FHIT: variants seen among roughly 807,000 people sequenced by gnomAD.
FHIT encodes the protein fragile histidine triad diadenosine triphosphatase, also known as bis(5'-adenosyl)-triphosphatase.
FHIT carries 19 observed loss-of-function variants against 17.9 expected under a neutral mutation model. The observed-to-expected ratio is 1.06, with a 90% CI of 0.74 to 1.56. FHIT has a LOEUF of 1.56. Ranked by LOEUF, FHIT falls within the 40% of genes most tolerant of loss-of-function variation. The probability of loss-of-function intolerance (pLI) is 0.00; values close to 1 mark genes in which losing one functional copy is unlikely to be tolerated. For missense variants in FHIT, 248 were observed against 189.2 expected (o/e 1.31, Z -1.82); for synonymous variants, 81 against 69.7 (o/e 1.16, Z -0.81).
intron 7 of FHIT, among the ~76,000 whole-genome samples, chr3:59,963,349 G>A (rs114713861): frequency 0.013 from 1,966 of 152,136 alleles, 38 homozygotes; most frequent in African/African-American, 0.044. Flanking sequence ...AAATTGAGTC[G>A]AAAACTCATG....
At chr3:61,224,205 T>C (rs2039908918) in intron 1 of FHIT, among the ~76,000 whole-genome samples, 1 of 152,212 alleles carries the variant, frequency 6.6e-6, no homozygotes, top group African/African-American at 2.4e-5. Context: ...AGTTCACATA[T>C]CTACAACATT....
In FHIT at chr3:60,023,034, A is replaced by T. The variant is rs76718548; in HGVS notation, c.104-8882T>A. 6.8e-3 allele frequency among the ~76,000 whole-genome samples: 1,042 copies of T among 152,342 alleles called. 12 individuals carry two copies. Among genetic ancestry groups the T allele is most frequent in the African/African-American group, 0.023 (941 of 41,578 alleles). ...GAAAGAGTCTGTCCACAATGTGTAAACATGAGAATGGGAACACACCAATAT... is the reference window on the plus strand; with the variant it reads ...GAAAGAGTCTGTCCACAATGTGTAATCATGAGAATGGGAACACACCAATAT... On this transcript the variant is annotated intron_variant, in intron 5 of 9. Transcript: ENST00000492590.
At chr3:60,192,316 A>C (rs1447556098) in intron 5 of FHIT, among the ~76,000 whole-genome samples, 4 of 152,238 alleles carry the variant, frequency 2.6e-5, no homozygotes, top group African/African-American at 7.2e-5. Flanking sequence ...AAAAAGGTAA[A>C]CTGAGGGCTG....
At chr3:59,903,566 T>C (rs1704434548) in intron 8 of FHIT, among the ~76,000 whole-genome samples, 1 of 152,222 alleles carries the variant, frequency 6.6e-6, no homozygotes, top group Admixed American at 6.5e-5. Flanking sequence ...AGTCGGTTTT[T>C]CTAGAGACTT....
At chr3:60,091,534 T>C (rs1703731195) in intron 5 of FHIT, among the ~76,000 whole-genome samples, 1 of 152,090 alleles carries the variant, frequency 6.6e-6, no homozygotes, top group Non-Finnish European at 1.5e-5. Context: ...GAGACTGGCA[T>C]GTTTGGTGGG....
chr3:60,563,034 C>T (rs918840170), intron 4 of FHIT, among the ~76,000 whole-genome samples: 2 of 152,046 alleles, frequency 1.3e-5, no homozygotes, highest in African/African-American at 4.8e-5. Flanking sequence ...AATGGCTAGC[C>T]TTTGGAAGTT....
At chr3:59,933,339 C>T (rs911105338) in intron 7 of FHIT, among the ~76,000 whole-genome samples, 25 of 152,108 alleles carry the variant, frequency 1.6e-4, no homozygotes, top group African/African-American at 5.6e-4. Context: ...ATTCATCCAC[C>T]CACCATTTTT....
chr3:60,446,490 G>T (rs1328453867), intron 5 of FHIT, among the ~76,000 whole-genome samples: 2 of 152,112 alleles, frequency 1.3e-5, no homozygotes, highest in African/African-American at 4.8e-5. Context: ...TGTGGTTTAA[G>T]GCCTGTGGGG....
chr3:60,891,963 C>G (rs1388396936), intron 3 of FHIT, among the ~76,000 whole-genome samples: 1 of 152,194 alleles, frequency 6.6e-6, no homozygotes, highest in Non-Finnish European at 1.5e-5. Context: ...GAAACCAAGT[C>G]TTCATGAAAT....
At chr3:59,976,849 C>A (rs145977422) in intron 7 of FHIT, among the ~76,000 whole-genome samples, 110 of 152,202 alleles carry the variant, frequency 7.2e-4, no homozygotes, top group Non-Finnish European at 1.4e-3. Flanking sequence ...GACATCCTGA[C>A]CCTCAGAGGT....
Position 60,842,645 on chromosome 3 carries a change from ATT to A in FHIT, c.-110-20636_-110-20635del, listed in dbSNP as rs1170383044. On this transcript the variant is annotated intron_variant, in intron 3 of 9. Coordinates refer to ENST00000492590, the MANE Select transcript of FHIT (RefSeq NM_002012.4). ...TATATGAGTGTATATATATATATATATTTTTTTTTTTTTTTTTTTCCCTTGCT... is the reference window on the plus strand; with the variant it reads ...TATATGAGTGTATATATATATATATATTTTTTTTTTTTTTTTTCCCTTGCT... Among the ~76,000 whole-genome samples the A allele has an allele frequency of 3.0e-3, 287 of 94,558 alleles. 3 individuals are homozygous for A. The highest frequency in any genetic ancestry group is 0.011 in the African/African-American group (273 of 24,210). 62.0% of individuals were successfully genotyped at this position (94,558 alleles called of 152,430 possible).
At chr3:60,204,929 C>CA (rs199979370) in intron 5 of FHIT, among the ~76,000 whole-genome samples, 249 of 150,454 alleles carry the variant, frequency 1.7e-3, no homozygotes, top group African/African-American at 4.2e-3. Context: ...CCATTTCTAC[C>CA]AAAAAAAACA....
intron 5 of FHIT, among the ~76,000 whole-genome samples, chr3:60,510,491 T>G (rs1051363956): frequency 5.3e-5 from 8 of 152,220 alleles, no homozygotes; most frequent in Non-Finnish European, 1.0e-4. Context: ...ATGGACCTAT[T>G]TGGCCTTTTA....
intron 1 of FHIT, among the ~76,000 whole-genome samples, chr3:61,209,241 C>T (rs985605469): frequency 6.6e-6 from 1 of 152,172 alleles, no homozygotes; most frequent in Admixed American, 6.5e-5. Context: ...TCTCTGGCTG[C>T]CCTTAAAATT....
At chr3:60,325,464 T>G (rs1181801704) in intron 5 of FHIT, among the ~76,000 whole-genome samples, 1 of 152,242 alleles carries the variant, frequency 6.6e-6, no homozygotes, top group Non-Finnish European at 1.5e-5. Flanking sequence ...ATGATAGTGT[T>G]TTGTTTTCAA....
intron 4 of FHIT, among the ~76,000 whole-genome samples, chr3:60,581,041 G>A (rs961888155): frequency 3.3e-5 from 5 of 152,032 alleles, no homozygotes; most frequent in South Asian, 2.1e-4. Context: ...CTGATGCTGC[G>A]GAGTTAGAGA....
At chr3:60,630,930 T>A (rs1577000668) in intron 4 of FHIT, among the ~76,000 whole-genome samples, 1 of 108,586 alleles carries the variant, frequency 9.2e-6, no homozygotes, top group Admixed American at 1.1e-4. Context: ...TCTTCCCAGG[T>A]CATTAAAAAA....
At chr3:60,788,589 G>A (rs1043446150) in intron 4 of FHIT, among the ~76,000 whole-genome samples, 8 of 152,134 alleles carry the variant, frequency 5.3e-5, no homozygotes, top group Admixed American at 5.2e-4. Context: ...TAGGGGCTGA[G>A]GGTTGCCACA....
intron 5 of FHIT, among the ~76,000 whole-genome samples, chr3:60,089,952 A>G (rs894821465): frequency 2.0e-5 from 3 of 152,242 alleles, no homozygotes; most frequent in Non-Finnish European, 4.4e-5. Context: ...ATTAAAATGA[A>G]TGGAACAACA....
Sources: allele counts gnomAD v4.1 joint callset (sites outside exome capture counted in the v4.1 genomes callset), GRCh38; gene constraint gnomAD v4.1.1; transcripts MANE v1.5; gene names NCBI Gene and HGNC (gene_info 2026-07-23, HGNC 2026-07-21).